Variants in ABCD3 observed in about 807,000 individuals in gnomAD.
ABCD3 encodes ATP binding cassette subfamily D member 3, also known as ATP-binding cassette sub-family D member 3.
Under a neutral mutation model 105.5 loss-of-function variants are expected in ABCD3, and 41 were observed. The ratio of observed to expected loss-of-function variants is 0.39; its 90% CI spans 0.30 to 0.50. ABCD3 has a LOEUF of 0.50. Among genes scored for constraint, ABCD3 ranks in the 20% least tolerant of loss-of-function variants. The pLI is 0.84. For missense variants in ABCD3, 622 were observed against 806.3 expected (o/e 0.77, Z 2.77); for synonymous variants, 258 against 269.0 (o/e 0.96, Z 0.40).
chr1:94,450,093 AG>A lies in ABCD3; in HGVS notation c.111-8512del, dbSNP rs751613506. ...TAATGCCAGGAACTGGAGTGCTTGA[AG>A]GAGCTGCAGACAGATTAGCAGCTAG... is the stretch of plus-strand genomic sequence containing the variant. On this transcript the variant is annotated intron_variant, in intron 1 of 22. Coordinates refer to ENST00000370214, the MANE Select transcript of ABCD3 (RefSeq NM_002858.4). Among the ~76,000 whole-genome samples the A allele has an allele frequency of 1.8e-4, 28 of 152,366 alleles. No homozygotes were observed. In the East Asian group the frequency reaches 4.2e-3, roughly 23 times the overall value.
At chr1:94,497,375 T>C (rs1649874199) in intron 16 of ABCD3, among the ~76,000 whole-genome samples, 1 of 152,140 alleles carries the variant, frequency 6.6e-6, no homozygotes, top group African/African-American at 2.4e-5. Flanking sequence ...AATTAAATAA[T>C]AGGAACAGAA....
chr1:94,391,415 T>C, the ABCD3 span, among the ~76,000 whole-genome samples: 1 of 152,152 alleles, frequency 6.6e-6, no homozygotes, highest in East Asian at 1.9e-4. Context: ...TTCTTCAGGG[T>C]CAAGGCATAT....
At chr1:94,419,848 C>T (rs1659188325) in intron 1 of ABCD3, among the ~76,000 whole-genome samples, 1 of 152,140 alleles carries the variant, frequency 6.6e-6, no homozygotes, top group Non-Finnish European at 1.5e-5. Flanking sequence ...AGCGCTTACT[C>T]ATTTTTCTTC....
chr1:94,466,481 G>A (rs1254826657), intron 3 of ABCD3, among the ~76,000 whole-genome samples: 1 of 151,966 alleles, frequency 6.6e-6, no homozygotes, highest in African/African-American at 2.4e-5. Flanking sequence ...ACCTGACTTT[G>A]GCCTTCCTTT....
chr1:94,471,472 A>G (rs923155919), intron 4 of ABCD3, among the ~76,000 whole-genome samples: 3 of 151,050 alleles, frequency 2.0e-5, no homozygotes, highest in African/African-American at 4.9e-5. Context: ...CAGAAGGATC[A>G]CTTAAGCTTA....
the ABCD3 span, among the ~76,000 whole-genome samples, chr1:94,410,985 A>G: frequency 2.6e-3 from 392 of 152,364 alleles, 3 homozygotes; most frequent in African/African-American, 9.1e-3. Flanking sequence ...TTGATACAAA[A>G]GGGATCAAAG....
chr1:94,398,380 C>A, the ABCD3 span, among the ~76,000 whole-genome samples: 1 of 152,124 alleles, frequency 6.6e-6, no homozygotes, highest in Admixed American at 6.6e-5. Context: ...AAAATAATAT[C>A]AGAATCACTA....
Position 94,463,744 on chromosome 1 carries a change from A to G in ABCD3, c.148-1031A>G, listed in dbSNP as rs191560446. Among the ~76,000 whole-genome samples, 203 of 152,246 alleles carry G rather than the reference A, an allele frequency of 1.3e-3. 2 individuals carry two copies. The highest frequency in any genetic ancestry group is 4.1e-4 in the Non-Finnish European group (28 of 68,032). On this transcript the variant is annotated intron_variant, in intron 2 of 22. Coordinates refer to ENST00000370214, the MANE Select transcript of ABCD3 (RefSeq NM_002858.4). ...CATTTTCATGGAGCTAGTGAAAATG[A>G]AAAAACTCTTGAGAGAGGTAAGATT...
At chr1:94,416,142 C>T (rs538363218), upstream of ABCD3, among the ~76,000 whole-genome samples, 18 of 152,150 alleles carry the variant, frequency 1.2e-4, no homozygotes, top group Admixed American at 7.2e-4. Context: ...CTTGCTTGTA[C>T]TTCCTTCACT....
At chr1:94,456,145 T>G (rs1647546879) in intron 1 of ABCD3, among the ~76,000 whole-genome samples, 1 of 152,024 alleles carries the variant, frequency 6.6e-6, no homozygotes, top group African/African-American at 2.4e-5. Context: ...AGTTTGACTT[T>G]TTTAGATTCC....
At chr1:94,390,585 G>T in the ABCD3 span, among the ~76,000 whole-genome samples, 1 of 152,162 alleles carries the variant, frequency 6.6e-6, no homozygotes, top group Non-Finnish European at 1.5e-5. Context: ...TTACAGGTGT[G>T]TGCCATGGCA....
At chr1:94,415,231 C>T (rs1658978718), upstream of ABCD3, among the ~76,000 whole-genome samples, 1 of 152,154 alleles carries the variant, frequency 6.6e-6, no homozygotes, top group Non-Finnish European at 1.5e-5. Context: ...AGGGAAATTC[C>T]ATGAGGGCAT....
intron 1 of ABCD3, among the ~76,000 whole-genome samples, chr1:94,436,262 A>G (rs1396285436): frequency 2.0e-5 from 3 of 152,168 alleles, no homozygotes; most frequent in Admixed American, 6.5e-5. Context: ...ATCATCTTCT[A>G]TTTACATCTG....
the ABCD3 span, chr1:94,406,462 G>T: frequency 2.5e-6 from 1 of 403,096 alleles, no homozygotes; most frequent in Non-Finnish European, 4.9e-6. Flanking sequence ...CTCACAAAGT[G>T]TGCTTCTCTG....
At chr1:94,456,400 C>G (rs190765705) in intron 1 of ABCD3, among the ~76,000 whole-genome samples, 23 of 149,610 alleles carry the variant, frequency 1.5e-4, no homozygotes, top group Admixed American at 1.5e-3. Context: ...CTTAGCCTCC[C>G]AAGTAGCTGG....
chr1:94,390,185 G>C, the ABCD3 span, among the ~76,000 whole-genome samples: 1 of 152,176 alleles, frequency 6.6e-6, no homozygotes, highest in African/African-American at 2.4e-5. Context: ...CCATCACTTG[G>C]TTAAATTCAC....
intron 1 of ABCD3, among the ~76,000 whole-genome samples, chr1:94,442,296 T>C (rs746245136): frequency 6.6e-6 from 1 of 152,228 alleles, no homozygotes; most frequent in Non-Finnish European, 1.5e-5. Context: ...CTTATGTGGC[T>C]CTTCTGCCTT....
chr1:94,477,293 C>T (rs953011981), intron 7 of ABCD3, among the ~76,000 whole-genome samples: 2 of 79,106 alleles, frequency 2.5e-5, no homozygotes, highest in Admixed American at 2.9e-4. Context: ...AGCCAGTTAA[C>T]AAACCAAGCC....
chr1:94,403,091 A>C, the ABCD3 span, among the ~76,000 whole-genome samples: 2 of 151,870 alleles, frequency 1.3e-5, no homozygotes, highest in African/African-American at 4.8e-5. Flanking sequence ...ACTGAGAATG[A>C]TGATTTCCAA....
Sources: allele counts gnomAD v4.1 joint callset (sites outside exome capture counted in the v4.1 genomes callset), GRCh38; gene constraint gnomAD v4.1.1; transcripts MANE v1.5; gene names NCBI Gene and HGNC (gene_info 2026-07-23, HGNC 2026-07-21).